The following ATR variants were observed in gnomAD, a reference collection of about 807,000 sequenced individuals.
The protein encoded by ATR is serine/threonine-protein kinase ATR.
Under a neutral mutation model 305.3 loss-of-function variants are expected in ATR, and 142 were observed. That is an observed-to-expected ratio of 0.47 (90% CI 0.41 to 0.53). The LOEUF (loss-of-function observed/expected upper bound fraction) is 0.53, where lower values mean the gene tolerates loss of function less well. Ranked by LOEUF, ATR falls within the 20% of genes least tolerant of loss-of-function variation. The pLI is 0.00. For synonymous variants in ATR, 1,050 were observed against 1,068.1 expected, an observed-to-expected ratio of 0.98 and a Z score of 0.33; for missense variants, 2,135 against 3,133.1, an observed-to-expected ratio of 0.68 and a Z score of 7.60.
chr3:142,569,624 G>A (rs1577715915), intron 1 of ATR, among the ~76,000 whole-genome samples: 1 of 145,880 alleles, frequency 6.9e-6, no homozygotes, highest in Non-Finnish European at 1.5e-5. Flanking sequence ...GCCCAACTGT[G>A]TTTTTTTTTT....
At chr3:142,512,530 G>T in intron 26 of ATR, 60 bp from the exon 27 acceptor site, 1 of 1,349,966 alleles carries the variant, frequency 7.4e-7, no homozygotes, top group South Asian at 1.5e-5. Context: ...ACTATTATAT[G>T]ACATCTAAAG....
chr3:142,549,420 A>G (rs2034396056), intron 15 of ATR, 59 bp downstream of exon 15: 13 of 1,200,600 alleles, frequency 1.1e-5, no homozygotes, highest in Non-Finnish European at 1.5e-5. Flanking sequence ...AGAATGTTAC[A>G]TCTTTCCTAT....
Position 142,498,873 on chromosome 3 carries a change from G to A in ATR, c.5381-99C>T, listed in dbSNP as rs2031793734. 8.3e-6 allele frequency: 10 copies of A among 1,203,678 alleles called. No homozygotes were observed. In the South Asian group the frequency reaches 1.2e-4, roughly 14 times the overall value. The allele number at this position is 1,203,678 out of a possible 1,614,324, so 74.6% of individuals were successfully genotyped here. A position where few individuals can be genotyped will look rare whatever the true frequency, so the allele number is the denominator to read the frequency against. On this transcript the variant is annotated intron_variant, in intron 31 of 46. Coordinates refer to ENST00000350721, the MANE Select transcript of ATR (RefSeq NM_001184.4). ...AATGGTCAGCTGAAATATCAAACAGGTGGCTTCATTCCTTTTTTTTTTTTT... is the reference window on the plus strand; with the variant it reads ...AATGGTCAGCTGAAATATCAAACAGATGGCTTCATTCCTTTTTTTTTTTTT...
chr3:142,577,093 GA>G (rs1218229676), intron 1 of ATR, among the ~76,000 whole-genome samples: 1 of 152,084 alleles, frequency 6.6e-6, no homozygotes, highest in Non-Finnish European at 1.5e-5. Context: ...GATATACTAT[GA>G]AAATTGATTA....
intron 21 of ATR, among the ~76,000 whole-genome samples, chr3:142,530,396 T>C (rs2033591033): frequency 6.6e-6 from 1 of 152,208 alleles, no homozygotes; most frequent in African/African-American, 2.4e-5. Flanking sequence ...TTATGGTTGG[T>C]TTTGAGGAGG....
chr3:142,486,048 T>C (rs1171802970), intron 35 of ATR, among the ~76,000 whole-genome samples: 5 of 151,254 alleles, frequency 3.3e-5, no homozygotes, highest in Non-Finnish European at 7.3e-5. Flanking sequence ...CCTCTCTTTC[T>C]GGCCACTCTC....
intron 35 of ATR, 123 bp downstream of exon 35, chr3:142,493,009 T>A: frequency 1.1e-6 from 1 of 894,492 alleles, no homozygotes; most frequent in South Asian, 1.7e-5. Flanking sequence ...CATATACTTA[T>A]ATACTCACTG....
chr3:142,505,261 C>G lies in ATR; in HGVS notation c.5074G>C (p.Val1692Leu), dbSNP rs1448553710. 1 of 1,614,042 alleles carries G rather than the reference C, an allele frequency of 6.2e-7. No individual in the cohort carries two copies. Among genetic ancestry groups the G allele is most frequent in the East Asian group, 2.2e-5 (1 of 44,874 alleles). ...GGTTCTGCCTTTCTAATTGCACTGACTCCGGCCACTCCATCAGGTTCATGC... is the reference window on the plus strand; with the variant it reads ...GGTTCTGCCTTTCTAATTGCACTGAGTCCGGCCACTCCATCAGGTTCATGC... ...AMHEPDGVAG[V>L]SAIRKAEPSL... Residue 1692 changes from valine to leucine, a missense_variant, in exon 29 of 47, where the codon GTC becomes CTC. Transcript: ENST00000350721.
chr3:142,568,730 G>A (rs1227975558), intron 1 of ATR, among the ~76,000 whole-genome samples: 2 of 152,194 alleles, frequency 1.3e-5, no homozygotes. Flanking sequence ...GCCTGCTCCC[G>A]CTGCCTGGCC....
chr3:142,513,450 G>A (rs775298127), intron 26 of ATR, 51 bp downstream of exon 26: 4 of 1,590,924 alleles, frequency 2.5e-6, no homozygotes, highest in Non-Finnish European at 3.4e-6. Flanking sequence ...AATTACATTG[G>A]AGAAAGTAAG....
rs2108425084 is a variant in ATR, at chr3:142,535,167, C to T, written c.3858G>A (p.Gln1286=). ...CATGTTGAATGGCCTTCATAGAGAG[C>T]TGAAGAGTTGTCTGAAGATCAGTGC... ...SESTDLQTTL[Q]LSMKAIQHEN... is the part of the protein sequence containing the mutation. Residue 1286 remains glutamine (Q), a synonymous_variant, in exon 21 of 47, where the codon CAG becomes CAA. Transcript: ENST00000350721. The T allele has an allele frequency of 6.2e-7, 1 of 1,613,144 alleles. No individual in the cohort carries two copies. Among genetic ancestry groups the T allele is most frequent in the South Asian group, 1.1e-5 (1 of 91,058 alleles).
At chr3:142,508,765 T>TA (rs2108362678) in intron 27 of ATR, among the ~76,000 whole-genome samples, 1 of 151,644 alleles carries the variant, frequency 6.6e-6, no homozygotes, top group South Asian at 2.1e-4. Flanking sequence ...CTACTAAAAA[T>TA]ACAAAAAAAT....
intron 25 of ATR, among the ~76,000 whole-genome samples, chr3:142,514,259 C>T (rs970747139): frequency 1.3e-5 from 2 of 148,874 alleles, no homozygotes; most frequent in Non-Finnish European, 3.0e-5. Flanking sequence ...AGCGAGATTC[C>T]GTCTCAAAAA....
At chr3:142,469,190 TTC>T (rs1031383007) in intron 38 of ATR, 145 bp downstream of exon 38, 9 of 590,932 alleles carry the variant, frequency 1.5e-5, no homozygotes, top group Admixed American at 3.4e-5. Context: ...TGCTATAAAT[TTC>T]TCTCTTTAAA....
intron 18 of ATR, among the ~76,000 whole-genome samples, chr3:142,539,477 TA>T (rs890406147): frequency 1.3e-5 from 2 of 152,046 alleles, no homozygotes; most frequent in African/African-American, 2.4e-5. Context: ...CTTTAATGGA[TA>T]AAAAATAATC....
chr3:142,488,809 T>C (rs576539071), intron 35 of ATR, among the ~76,000 whole-genome samples: 49 of 152,364 alleles, frequency 3.2e-4, no homozygotes, highest in African/African-American at 9.9e-4. Context: ...AATTGTCAAT[T>C]ACCTGTTAGC....
At chr3:142,525,231 C>T (rs1220314681) in intron 21 of ATR, among the ~76,000 whole-genome samples, 1 of 152,086 alleles carries the variant, frequency 6.6e-6, no homozygotes, top group African/African-American at 2.4e-5. Flanking sequence ...ATTTCTAGAC[C>T]TCCTATTGTT....
intron 18 of ATR, 24 bp downstream of exon 18, chr3:142,540,880 T>C (rs761319163): frequency 1.3e-5 from 20 of 1,567,662 alleles, no homozygotes; most frequent in Admixed American, 5.6e-5. Context: ...AAAAAAAAAT[T>C]AATAAACTCA....
chr3:142,454,111 C>T (rs1307301504), intron 45 of ATR, among the ~76,000 whole-genome samples: 1 of 152,130 alleles, frequency 6.6e-6, no homozygotes, highest in Non-Finnish European at 1.5e-5. Flanking sequence ...ATAATCTAGC[C>T]CCTGCTTACC....
Sources: gnomAD v4.1 joint callset for allele counts (sites outside exome capture counted in the v4.1 genomes callset) on GRCh38, gnomAD v4.1.1 for gene constraint, MANE v1.5 for transcripts, NCBI Gene and HGNC (gene_info 2026-07-23, HGNC 2026-07-21) for gene names.